The following NAV2 variants were observed in gnomAD, a reference collection of about 807,000 sequenced individuals.
The protein encoded by NAV2 is neuron navigator 2.
NAV2 carries 54 observed loss-of-function variants against 223.2 expected under a neutral mutation model. The observed-to-expected ratio is 0.24, with a 90% CI of 0.19 to 0.30. NAV2 has a LOEUF of 0.30. Ranked by LOEUF, NAV2 falls within the 10% of genes least tolerant of loss-of-function variation. NAV2 has a pLI of 1.00. For synonymous variants in NAV2, 1,279 were observed against 1,239.3 expected (o/e 1.03, Z -0.67); for missense variants, 2,806 against 3,147.5 (o/e 0.89, Z 2.60).
intron 6 of NAV2, among the ~76,000 whole-genome samples, chr11:19,913,330 G>A (rs2043481450): frequency 6.6e-6 from 1 of 152,118 alleles, no homozygotes; most frequent in South Asian, 2.1e-4. Flanking sequence ...GAGTGTGGGG[G>A]AGCCTTTCCC....
intron 1 of NAV2, among the ~76,000 whole-genome samples, chr11:19,361,092 G>A (rs558601086): frequency 9.2e-5 from 14 of 151,976 alleles, no homozygotes; most frequent in Admixed American, 8.5e-4. Context: ...TCGCTAAACT[G>A]GCTTAGATAC....
intron 8 of NAV2, among the ~76,000 whole-genome samples, chr11:19,945,714 C>T (rs1327526586): frequency 6.6e-6 from 1 of 152,188 alleles, no homozygotes; most frequent in Non-Finnish European, 1.5e-5. Flanking sequence ...ATGGTGGGCA[C>T]TGTGCTAAGG....
intron 10 of NAV2, among the ~76,000 whole-genome samples, chr11:19,978,417 GT>G (rs986376178): frequency 6.6e-6 from 1 of 152,132 alleles, no homozygotes; most frequent in Non-Finnish European, 1.5e-5. Context: ...GCCCCCATTA[GT>G]TTTTTCAATC....
intron 1 of NAV2, among the ~76,000 whole-genome samples, chr11:19,562,602 A>G (rs1424454122): frequency 2.0e-5 from 3 of 152,176 alleles, no homozygotes; most frequent in African/African-American, 7.2e-5. Flanking sequence ...CCTCTGACAC[A>G]TGGCTTGCCC....
At chr11:19,896,869 A>G (rs559732481) in intron 6 of NAV2, among the ~76,000 whole-genome samples, 1 of 152,362 alleles carries the variant, frequency 6.6e-6, no homozygotes, top group East Asian at 1.9e-4. Context: ...TGACCCAGCT[A>G]TCCCCATTAC....
intron 17 of NAV2, among the ~76,000 whole-genome samples, chr11:20,053,140 C>A (rs1019948538): frequency 7.1e-6 from 1 of 140,550 alleles, no homozygotes; most frequent in Non-Finnish European, 1.5e-5. Context: ...ATCACTTGAA[C>A]CCAAGAGACA....
At chr11:19,674,436 G>A (rs1249233704) in intron 1 of NAV2, among the ~76,000 whole-genome samples, 4 of 152,178 alleles carry the variant, frequency 2.6e-5, no homozygotes, top group African/African-American at 7.2e-5. Context: ...TCAATGGAAG[G>A]TTATAAGCAA....
At chr11:19,688,380 C>T (rs1391616666) in intron 1 of NAV2, among the ~76,000 whole-genome samples, 1 of 152,168 alleles carries the variant, frequency 6.6e-6, no homozygotes, top group East Asian at 1.9e-4. Context: ...GAATGTTCAT[C>T]CCCTAACCCC....
At chr11:19,532,451 AAG>A (rs1160853757) in intron 1 of NAV2, among the ~76,000 whole-genome samples, 1 of 152,216 alleles carries the variant, frequency 6.6e-6, no homozygotes, top group Non-Finnish European at 1.5e-5. Context: ...CTATAAAATG[AAG>A]AGTCTGGACA....
At chr11:20,018,718 A>G (rs1270738338) in intron 11 of NAV2, among the ~76,000 whole-genome samples, 1 of 152,148 alleles carries the variant, frequency 6.6e-6, no homozygotes, top group Non-Finnish European at 1.5e-5. Flanking sequence ...GTGCTCGAGG[A>G]GCTCCCTGTG....
chr11:19,375,001 A>G (rs998187469), intron 1 of NAV2, among the ~76,000 whole-genome samples: 4 of 152,142 alleles, frequency 2.6e-5, no homozygotes, highest in Non-Finnish European at 5.9e-5. Context: ...AGATGTTCCC[A>G]CTTGGCTCAC....
intron 10 of NAV2, among the ~76,000 whole-genome samples, 161 bp from the exon 11 acceptor site, chr11:19,983,964 G>C (rs1344596749): frequency 1.3e-5 from 2 of 152,200 alleles, no homozygotes; most frequent in Non-Finnish European, 2.9e-5. Context: ...ATCAGCAGCT[G>C]AGTTATCCTT....
chr11:19,486,879 G>A (rs759684281), intron 1 of NAV2, among the ~76,000 whole-genome samples: 17 of 152,136 alleles, frequency 1.1e-4, no homozygotes, highest in Admixed American at 2.6e-4. Context: ...TCTATCCATT[G>A]GAACACCTTC....
At chr11:19,610,229 T>G (rs2046597827) in intron 1 of NAV2, among the ~76,000 whole-genome samples, 1 of 152,240 alleles carries the variant, frequency 6.6e-6, no homozygotes, top group Admixed American at 6.5e-5. Context: ...CTGCATTAGT[T>G]CAATTCAATC....
chr11:19,692,153 T>C (rs1188101523), intron 1 of NAV2, among the ~76,000 whole-genome samples: 1 of 152,168 alleles, frequency 6.6e-6, no homozygotes, highest in Non-Finnish European at 1.5e-5. Flanking sequence ...CAGTTTTGGG[T>C]GAGCATGCAG....
At chr11:19,455,733 G>A (rs1423655498) in intron 1 of NAV2, among the ~76,000 whole-genome samples, 1 of 152,192 alleles carries the variant, frequency 6.6e-6, no homozygotes, top group Non-Finnish European at 1.5e-5. Flanking sequence ...TCAAAACTAT[G>A]ATAATTCCTC....
In NAV2 at chr11:19,832,464, C is replaced by G; in HGVS notation, c.268-20C>G. 1 of 1,565,204 alleles carries G rather than the reference C, an allele frequency of 6.4e-7. No homozygotes were observed. Among genetic ancestry groups the G allele is most frequent in the Non-Finnish European group, 8.7e-7 (1 of 1,153,964 alleles). On this transcript the variant is annotated intron_variant, in intron 1 of 37. Coordinates refer to ENST00000349880, the MANE Select transcript of NAV2 (RefSeq NM_145117.5). ...GGATCCGACTGGCTTCCTAAAGTTG[C>G]CTGTTTGCTTTTTTTACAGATCTAC...
At chr11:19,839,034 A>T (rs540568877) in intron 2 of NAV2, among the ~76,000 whole-genome samples, 3 of 152,112 alleles carry the variant, frequency 2.0e-5, no homozygotes, top group African/African-American at 7.2e-5. Context: ...ATCATCTTCT[A>T]TAAGGCAGAA....
chr11:19,668,221 T>C (rs1339202608), intron 1 of NAV2, among the ~76,000 whole-genome samples: 1 of 152,202 alleles, frequency 6.6e-6, no homozygotes, highest in East Asian at 1.9e-4. Flanking sequence ...ATATGAAACA[T>C]TGTCGCCATC....
Sources: allele counts gnomAD v4.1 joint callset (sites outside exome capture counted in the v4.1 genomes callset), GRCh38; gene constraint gnomAD v4.1.1; transcripts MANE v1.5; gene names NCBI Gene and HGNC (gene_info 2026-07-23, HGNC 2026-07-21).